Variants in SASH1 observed in about 807,000 individuals in gnomAD.
SASH1 encodes the protein SAM and SH3 domain-containing protein 1.
In SASH1, 44 loss-of-function variants were observed where a neutral mutation model predicts 125.2. That is an observed-to-expected ratio of 0.35 (90% CI 0.28 to 0.45). The LOEUF is 0.45. Ranked by LOEUF, SASH1 falls within the 20% of genes least tolerant of loss-of-function variation. SASH1 has a pLI of 1.00. For missense variants in SASH1, 1,426 were observed against 1,614.5 expected (o/e 0.88, Z 2.00); for synonymous variants, 639 against 649.1 (o/e 0.98, Z 0.24).
intron 4 of SASH1, among the ~76,000 whole-genome samples, chr6:148,454,471 G>A (rs1014217060): frequency 3.3e-5 from 5 of 152,166 alleles, no homozygotes; most frequent in Admixed American, 2.0e-4. Flanking sequence ...ACTCCAAATC[G>A]TCACAGGTTC....
Position 148,519,018 on chromosome 6 carries a change from G to A in SASH1, c.863-529G>A, listed in dbSNP as rs913010567. ...GTCAGTCACATTTGCAAGATACAAC[G>A]CTTTATAGTGTTTCTCCCCACCAAA... is the stretch of plus-strand genomic sequence containing the variant. On this transcript the variant is annotated intron_variant, in intron 9 of 19. Transcript: ENST00000367467. This position sits in a 1 kb window ranked among gnomAD's most constrained non-coding sequence, Gnocchi z 4.8. 6.6e-6 allele frequency among the ~76,000 whole-genome samples: 1 copy of A among 152,170 alleles called. No individual in the cohort carries two copies. The highest frequency in any genetic ancestry group is 1.5e-5 in the Non-Finnish European group (1 of 68,032).
chr6:148,295,604 G>A (rs888363572), intron 1 of SASH1, among the ~76,000 whole-genome samples: 13 of 152,288 alleles, frequency 8.5e-5, no homozygotes, highest in East Asian at 7.7e-4. Flanking sequence ...CTGATCAACC[G>A]GGTGACAATC....
At chr6:148,235,158 A>G in the SASH1 span, among the ~76,000 whole-genome samples, 2 of 152,332 alleles carry the variant, frequency 1.3e-5, no homozygotes, top group East Asian at 3.9e-4. Flanking sequence ...GTAATCACAT[A>G]ACCAAACCCA....
In SASH1 at chr6:148,500,216, T is replaced by C. The variant is rs1379224701; in HGVS notation, c.729+12501T>C. ...ACCTGTTTGCCATGCTATCTGACAA[T>C]AGATTTTTTTTTTTTTTCTCCTTTC... On this transcript the variant is annotated intron_variant, in intron 8 of 19. Coordinates refer to ENST00000367467, the MANE Select transcript of SASH1 (RefSeq NM_015278.5). 3.8e-5 allele frequency among the ~76,000 whole-genome samples: 5 copies of C among 130,944 alleles called. No individual in the cohort carries two copies. In the Admixed American group the frequency reaches 3.9e-4, roughly 10 times the overall value. 85.9% of individuals were successfully genotyped at this position (130,944 alleles called of 152,430 possible). A position where few individuals can be genotyped will look rare whatever the true frequency, so the allele number is the denominator to read the frequency against.
chr6:148,287,624 T>C (rs1417383191), intron 1 of SASH1, among the ~76,000 whole-genome samples: 3 of 152,184 alleles, frequency 2.0e-5, no homozygotes, highest in African/African-American at 7.2e-5. Context: ...GAGCAGATTG[T>C]TACTTCACAC....
At chr6:148,399,480 C>T (rs1440540300) in intron 2 of SASH1, among the ~76,000 whole-genome samples, 4 of 151,988 alleles carry the variant, frequency 2.6e-5, no homozygotes, top group African/African-American at 4.8e-5. Flanking sequence ...CCCGCGTCAG[C>T]CCCCCAAAAT....
At chr6:148,440,541 G>T in intron 4 of SASH1, 134 bp downstream of exon 4, 1 of 725,938 alleles carries the variant, frequency 1.4e-6, no homozygotes, top group South Asian at 1.8e-5. Context: ...TTAACATGTT[G>T]CATGCATGTG....
At chr6:148,295,683 G>A (rs1467940554) in intron 1 of SASH1, among the ~76,000 whole-genome samples, 1 of 152,196 alleles carries the variant, frequency 6.6e-6, no homozygotes, top group Non-Finnish European at 1.5e-5. Context: ...GCGTATGGCA[G>A]CACAGCTCCA....
chr6:148,225,832 A>G, the SASH1 span, among the ~76,000 whole-genome samples: 1 of 152,262 alleles, frequency 6.6e-6, no homozygotes, highest in East Asian at 1.9e-4. Flanking sequence ...ATAAATATTC[A>G]GAAGCTTTGT....
chr6:148,202,329 C>T, the SASH1 span, among the ~76,000 whole-genome samples: 53 of 152,180 alleles, frequency 3.5e-4, 1 homozygote, highest in Non-Finnish European at 7.4e-5. Context: ...TAGGGCACAG[C>T]GCTGGTTCCA....
intron 2 of SASH1, among the ~76,000 whole-genome samples, chr6:148,402,405 G>T (rs1360519213): frequency 6.6e-6 from 1 of 152,056 alleles, no homozygotes; most frequent in African/African-American, 2.4e-5. Flanking sequence ...CTGCCTCCCG[G>T]GTTAAGTGAT....
chr6:148,283,928 AT>A (rs11374340), intron 1 of SASH1, among the ~76,000 whole-genome samples: 34,886 of 149,974 alleles, frequency 0.23, 4,162 homozygotes, highest in South Asian at 0.28. Context: ...TATCTATGTA[AT>A]TTTTTTTTTT....
At chr6:148,488,471 G>A (rs1354109866) in intron 8 of SASH1, among the ~76,000 whole-genome samples, 1 of 152,208 alleles carries the variant, frequency 6.6e-6, no homozygotes, top group African/African-American at 2.4e-5. Context: ...AAGTATCTCT[G>A]AGTCTCTGCT....
At chr6:148,489,510 C>T (rs12660564) in intron 8 of SASH1, among the ~76,000 whole-genome samples, 10,306 of 151,988 alleles carry the variant, frequency 0.068, 883 homozygotes, top group East Asian at 0.45. Flanking sequence ...AAAAATATAT[C>T]GTTGGGATAT....
chr6:148,220,426 C>T, the SASH1 span, among the ~76,000 whole-genome samples: 1 of 152,194 alleles, frequency 6.6e-6, no homozygotes, highest in Non-Finnish European at 1.5e-5. Context: ...ATGACAATCA[C>T]TTCCCAAAAG....
At chr6:148,434,669 A>G (rs371054283) in intron 2 of SASH1, among the ~76,000 whole-genome samples, 5 of 152,214 alleles carry the variant, frequency 3.3e-5, no homozygotes, top group East Asian at 1.9e-4. Context: ...AATTCAATCT[A>G]TAGGTCAAAT....
At chr6:148,492,880 A>G (rs1427269527) in intron 8 of SASH1, among the ~76,000 whole-genome samples, 7 of 151,786 alleles carry the variant, frequency 4.6e-5, no homozygotes, top group Non-Finnish European at 1.0e-4. Context: ...AAATAAAATC[A>G]CACTCGTGTA....
chr6:148,272,729 T>C (rs1172323703), intron 1 of SASH1, among the ~76,000 whole-genome samples: 1 of 152,208 alleles, frequency 6.6e-6, no homozygotes. Flanking sequence ...CCTCTACTTA[T>C]CTATGAAAAC....
At chr6:148,326,388 T>G (rs1780826989) in intron 1 of SASH1, among the ~76,000 whole-genome samples, 10 of 73,566 alleles carry the variant, frequency 1.4e-4, no homozygotes, top group African/African-American at 5.1e-4. Flanking sequence ...TCTTTTCTTT[T>G]CTTTTCTTTT....
Sources: gnomAD v4.1 joint callset for allele counts (sites outside exome capture counted in the v4.1 genomes callset) on GRCh38, gnomAD v4.1.1 for gene constraint, Gnocchi (gnomAD v3.1) non-coding constraint, MANE v1.5 for transcripts, NCBI Gene and HGNC (gene_info 2026-07-23, HGNC 2026-07-21) for gene names.